The following NPAS3 variants were observed in gnomAD, a reference collection of about 807,000 sequenced individuals.
The protein encoded by NPAS3 is neuronal PAS domain-containing protein 3.
Under a neutral mutation model 73.1 loss-of-function variants are expected in NPAS3, and 14 were observed. The observed-to-expected ratio is 0.19, with a 90% CI of 0.13 to 0.30. The LOEUF (loss-of-function observed/expected upper bound fraction) is 0.30, where lower values mean the gene tolerates loss of function less well. NPAS3 is among the 10% of genes least tolerant of loss of function. The pLI, the probability that NPAS3 is intolerant of heterozygous loss-of-function variation, is 1.00. For missense variants in NPAS3, 1,096 were observed against 1,250.0 expected, an observed-to-expected ratio of 0.88 and a Z score of 1.86; for synonymous variants, 620 against 541.5, an observed-to-expected ratio of 1.14 and a Z score of -2.01.
At chr14:33,564,115 G>A (rs1958537) in intron 5 of NPAS3, among the ~76,000 whole-genome samples, 67,952 of 151,894 alleles carry the variant, frequency 0.45, 16,588 homozygotes, top group East Asian at 0.6. Flanking sequence ...TAAGGAAAAG[G>A]AGATAAGCAA....
At chr14:33,522,195 G>A (rs1232845369) in intron 4 of NPAS3, among the ~76,000 whole-genome samples, 1 of 152,112 alleles carries the variant, frequency 6.6e-6, no homozygotes, top group Non-Finnish European at 1.5e-5. Context: ...ATTGTTTAGA[G>A]GACAGTTTCT....
At chr14:32,942,637 C>T (rs1422799758) in intron 1 of NPAS3, among the ~76,000 whole-genome samples, 3 of 152,168 alleles carry the variant, frequency 2.0e-5, no homozygotes, top group Admixed American at 2.0e-4. Flanking sequence ...TATGCCCATG[C>T]TGATTTGCAA....
At chr14:33,089,196 T>C (rs2042138260) in intron 2 of NPAS3, among the ~76,000 whole-genome samples, 1 of 152,040 alleles carries the variant, frequency 6.6e-6, no homozygotes, top group South Asian at 2.1e-4. Flanking sequence ...CAATCAAACT[T>C]CTCCAAGCTA....
chr14:33,743,477 T>C (rs938177589), intron 7 of NPAS3, among the ~76,000 whole-genome samples: 1 of 152,212 alleles, frequency 6.6e-6, no homozygotes, highest in African/African-American at 2.4e-5. Flanking sequence ...TGTGCTGTCA[T>C]CCAGGCTTTA....
intron 4 of NPAS3, among the ~76,000 whole-genome samples, chr14:33,439,646 TAAGAC>T (rs1284390044): frequency 6.6e-6 from 1 of 152,088 alleles, no homozygotes; most frequent in African/African-American, 2.4e-5. Context: ...AATGATAAAT[TAAGAC>T]AATTTCAAAA....
chr14:33,777,991 G>A (rs2062873529), intron 8 of NPAS3, among the ~76,000 whole-genome samples: 1 of 152,184 alleles, frequency 6.6e-6, no homozygotes, highest in African/African-American at 2.4e-5. Flanking sequence ...ATGCCAATTT[G>A]GACTTTGTGC....
intron 2 of NPAS3, among the ~76,000 whole-genome samples, chr14:33,167,696 A>G (rs1301727062): frequency 6.6e-6 from 1 of 152,196 alleles, no homozygotes; most frequent in Non-Finnish European, 1.5e-5. Context: ...TATGTTAAGA[A>G]ACAGAGGAAT....
intron 6 of NPAS3, among the ~76,000 whole-genome samples, chr14:33,721,798 G>A (rs1399359698): frequency 1.3e-5 from 2 of 152,152 alleles, no homozygotes; most frequent in South Asian, 2.1e-4. Flanking sequence ...GAACCTTTAC[G>A]TCATTTCCAA....
chr14:33,570,346 C>T (rs1291664253), intron 5 of NPAS3, among the ~76,000 whole-genome samples: 9 of 152,176 alleles, frequency 5.9e-5, no homozygotes, highest in African/African-American at 2.2e-4. Flanking sequence ...GTCTAGTTGT[C>T]CAGGGTCACT....
chr14:33,753,790 TC>T (rs2062033847), intron 7 of NPAS3, among the ~76,000 whole-genome samples: 1 of 152,166 alleles, frequency 6.6e-6, no homozygotes, highest in Non-Finnish European at 1.5e-5. Context: ...CCAAATTTGT[TC>T]CCTCTCATTT....
intron 6 of NPAS3, among the ~76,000 whole-genome samples, chr14:33,683,582 A>AT (rs1424676146): frequency 6.6e-6 from 1 of 152,184 alleles, no homozygotes; most frequent in Non-Finnish European, 1.5e-5. Flanking sequence ...TGTCCAAATT[A>AT]TACCACTCTG....
At position 33,328,581 on chromosome 14, in the gene NPAS3, C is replaced by G. The variant is rs113286662; in HGVS notation, c.386-38605C>G. ...TTCCTGGTTCAAGCGATTCTCCTGC[C>G]TCAGTAGTTGGGATTACAGGCGCCC... On this transcript the variant is annotated intron_variant, in intron 3 of 11. Coordinates refer to ENST00000356141, the Ensembl canonical transcript of NPAS3. 4.7e-3 allele frequency among the ~76,000 whole-genome samples: 696 copies of G among 147,538 alleles called. 6 individuals carry two copies. Among genetic ancestry groups the G allele is most frequent in the African/African-American group, 0.017 (660 of 39,950 alleles).
intron 6 of NPAS3, among the ~76,000 whole-genome samples, chr14:33,692,836 TAAAAA>T (rs34684535): frequency 0.27 from 17,351 of 63,748 alleles, 1,886 homozygotes; most frequent in East Asian, 0.45. Flanking sequence ...CCCAATGTCT[TAAAAA>T]AAAAAAAAAA....
At chr14:33,688,935 C>T (rs2060161650) in intron 6 of NPAS3, among the ~76,000 whole-genome samples, 1 of 152,160 alleles carries the variant, frequency 6.6e-6, no homozygotes, top group Non-Finnish European at 1.5e-5. Context: ...TGTAGGAATT[C>T]AGTTAAATTG....
Position 33,072,429 on chromosome 14 carries a change from C to T in NPAS3, c.140+16435C>T, listed in dbSNP as rs369298070. On this transcript the variant is annotated intron_variant, in intron 2 of 11. Transcript: ENST00000356141. The stretch of plus-strand genomic sequence containing the variant: ...TTTAGATCAACCTATAATATGAACA[C>T]GAAAAACATAAACATGAAAATGTAA... Among the ~76,000 whole-genome samples the T allele has an allele frequency of 9.2e-5, 14 of 152,152 alleles. No individual in the cohort carries two copies. The South Asian group carries it at 2.1e-3, about 23-fold the overall frequency.
chr14:33,234,426 G>A (rs1271595657), intron 3 of NPAS3, among the ~76,000 whole-genome samples: 2 of 152,042 alleles, frequency 1.3e-5, no homozygotes, highest in Admixed American at 1.3e-4. Context: ...TTGCCTCTAT[G>A]GTTAGAGATG....
At chr14:33,516,668 A>G (rs1425008490) in intron 4 of NPAS3, among the ~76,000 whole-genome samples, 3 of 152,146 alleles carry the variant, frequency 2.0e-5, no homozygotes, top group Non-Finnish European at 1.5e-5. Context: ...GTTACTGTGC[A>G]TATTAAATCT....
At chr14:33,680,571 T>C (rs745822559) in intron 6 of NPAS3, 2 of 702,170 alleles carry the variant, frequency 2.8e-6, no homozygotes, top group South Asian at 3.0e-5. Flanking sequence ...TTTTCATGTT[T>C]CTCTAAGATA....
Position 33,667,218 on chromosome 14 carries a change from C to G in NPAS3, c.559-8993C>G, listed in dbSNP as rs551010533. Among the ~76,000 whole-genome samples the G allele has an allele frequency of 1.1e-4, 16 of 152,268 alleles. No individual in the cohort carries two copies. The South Asian group carries it at 3.1e-3, about 30-fold the overall frequency. The stretch of plus-strand genomic sequence containing the variant: ...CGAATCAGAGCGGCCACATTCCAAG[C>G]ACTCAGTAGCAACACCTGACTCGTG... On this transcript the variant is annotated intron_variant, in intron 5 of 11. Transcript: ENST00000356141.
Sources: gnomAD v4.1 joint callset for allele counts (sites outside exome capture counted in the v4.1 genomes callset) on GRCh38, gnomAD v4.1.1 for gene constraint, MANE v1.5 for transcripts, NCBI Gene and HGNC (gene_info 2026-07-23, HGNC 2026-07-21) for gene names.